Variants in TTN observed in about 807,000 individuals in gnomAD.
TTN encodes the protein titin.
TTN carries 1,525 observed loss-of-function variants against 3,223.0 expected under a neutral mutation model. The observed-to-expected ratio is 0.47, with a 90% CI of 0.45 to 0.49. TTN has a LOEUF of 0.49. Among genes scored for constraint, TTN ranks in the 20% least tolerant of loss-of-function variants. The pLI, the probability that TTN is intolerant of heterozygous loss-of-function variation, is 0.00. For missense variants in TTN, 40,786 were observed against 43,424.0 expected, an observed-to-expected ratio of 0.94 and a Z score of 5.40; for synonymous variants, 14,094 against 15,161.0, an observed-to-expected ratio of 0.93 and a Z score of 5.17.
intron 240 of TTN, among the ~76,000 whole-genome samples, chr2:178,626,807 G>T (rs1322243806): frequency 2.6e-5 from 4 of 151,748 alleles, no homozygotes; most frequent in African/African-American, 9.7e-5. Flanking sequence ...ATTTGAAAAG[G>T]TGTCTCAGTT....
At chr2:178,595,045 T>G (rs1172768121) in intron 295 of TTN, among the ~76,000 whole-genome samples, 9 of 152,022 alleles carry the variant, frequency 5.9e-5, no homozygotes, top group Admixed American at 5.9e-4. Context: ...CCGAGGCAGG[T>G]GGATCACTTG....
Position 178,677,335 on chromosome 2 carries a change from C to CATATACAT in TTN, c.34292-49_34292-48insATGTATAT, listed in dbSNP as rs71393434. 17 of 251,884 alleles carry CATATACAT rather than the reference C, an allele frequency of 6.7e-5. No homozygotes were observed. In the South Asian group the frequency reaches 2.6e-3, roughly 39 times the overall value. The allele number at this position is 251,884 out of a possible 1,614,324, so 15.6% of individuals were successfully genotyped here. A position where few individuals can be genotyped will look rare whatever the true frequency, so the allele number is the denominator to read the frequency against. On this transcript the variant is annotated intron_variant, in intron 146 of 362. Transcript: ENST00000589042. ...GCATTAAAAACCACATATACATGGTCATATATATATATATATATATATATA... is the reference window on the plus strand; with the variant it reads ...GCATTAAAAACCACATATACATGGTCATATACATATATATATATATATATATATATATA...
rs750307729 is a variant in TTN at position 178,554,818 on chromosome 2, A to T, written c.88594+47T>A. ...AAAGCCTACTTGTTCAAAATTACTA[A>T]GCTTTAGGCAAATGTAATATGACAG... On this transcript the variant is annotated intron_variant, in intron 331 of 362. Transcript: ENST00000589042. 2.0e-5 allele frequency: 32 copies of T among 1,611,718 alleles called. No homozygotes were observed. In the East Asian group the frequency reaches 6.5e-4, roughly 33 times the overall value.
In TTN at chr2:178,770,402, A is replaced by G; in HGVS notation, c.8380+10T>C. 1 of 1,614,108 alleles carries G rather than the reference A, an allele frequency of 6.2e-7. No homozygotes were observed. Among genetic ancestry groups the G allele is most frequent in the South Asian group, 1.1e-5 (1 of 91,082 alleles). ...CTGACTGCTTGAAAAGTGTTTCTAA[A>G]TCAACTTACTCTCCACGTGCAGTCT... On this transcript the variant is annotated intron_variant, in intron 35 of 362. Transcript: ENST00000589042.
intron 127 of TTN, among the ~76,000 whole-genome samples, chr2:178,687,870 T>C (rs1294544662): frequency 6.6e-6 from 1 of 152,162 alleles, no homozygotes; most frequent in Non-Finnish European, 1.5e-5. Context: ...ATATGAAGCC[T>C]CTTTTATTCT....
At position 178,777,978 on chromosome 2, in the gene TTN, G is replaced by A; in HGVS notation, c.4209-3C>T. 1 of 1,613,126 alleles carries A rather than the reference G, an allele frequency of 6.2e-7. No individual in the cohort carries two copies. Among genetic ancestry groups the A allele is most frequent in the South Asian group, 1.1e-5 (1 of 91,012 alleles). The stretch of plus-strand genomic sequence containing the variant: ...TCACTGAACGTGGAGAGAGAGATCT[G>A]CAAAACAAAGACACACAATACTTTC... On this transcript the variant is annotated splice_polypyrimidine_tract_variant and splice_region_variant and intron_variant, in intron 24 of 362. Coordinates refer to ENST00000589042, the MANE Select transcript of TTN (RefSeq NM_001267550.2).
chr2:178,744,273 C>A (rs1008480576), intron 47 of TTN: 1 of 680,284 alleles, frequency 1.5e-6, no homozygotes, highest in African/African-American at 2.0e-5. Context: ...AATATTATTT[C>A]TCTCGTCCTT....
intron 10 of TTN, among the ~76,000 whole-genome samples, chr2:178,791,663 ATGTGTGTG>A (rs58282760): frequency 2.7e-5 from 4 of 147,388 alleles, no homozygotes; most frequent in South Asian, 2.2e-4. Context: ...GTATGTGTAT[ATGTGTGTG>A]TGTGTGTGTG....
chr2:178,768,263 A>G, intron 38 of TTN, 108 bp from the exon 39 acceptor site: 2 of 1,315,708 alleles, frequency 1.5e-6, no homozygotes, highest in Non-Finnish European at 2.1e-6. Flanking sequence ...ATGAATTTCC[A>G]TGTATTCATC....
chr2:178,766,454 G>C lies in TTN; in HGVS notation c.9630C>G (p.Thr3210=). The change falls in exon 41 of 363, where the codon ACC becomes ACG. Residue 3210 remains threonine, a synonymous_variant. Coordinates refer to ENST00000589042, the MANE Select transcript of TTN (RefSeq NM_001267550.2). ...RRIHRMFISE[T]RQSDAGEYTF... ...TGTATTCTCCTGCATCGCTCTGTCT[G>C]GTCTCAGAGATAAACATTCGGTGGA... The C allele has an allele frequency of 6.2e-7, 1 of 1,614,078 alleles. No individual in the cohort carries two copies. The highest frequency in any genetic ancestry group is 8.5e-7 in the Non-Finnish European group (1 of 1,179,980).
At chr2:178,793,585 AC>A (rs757196807) in intron 8 of TTN, 44 bp from the exon 9 acceptor site, 9 of 1,609,924 alleles carry the variant, frequency 5.6e-6, no homozygotes, top group African/African-American at 1.3e-5. Context: ...AATGCATCTT[AC>A]ATAAAAATTA....
chr2:178,614,917 C>T lies in TTN; in HGVS notation c.48690G>A (p.Lys16230=). The T allele has an allele frequency of 5.7e-6, 9 of 1,591,512 alleles. No homozygotes were observed. Among genetic ancestry groups the T allele is most frequent in the Non-Finnish European group, 7.7e-6 (9 of 1,167,738 alleles). ...EEGKWYAYRV[K]ALNRQGASKP... is the part of the protein sequence containing the mutation. ...TGCTAGCACCCTGCCTGTTTAAGGC[C>T]TTCACGCGGTAGGCATACCATTTGC... The change falls in exon 260 of 363, where the codon AAG becomes AAA. Residue 16230 remains lysine, a synonymous_variant. Transcript: ENST00000589042.
intron 113 of TTN, 126 bp from the exon 114 acceptor site, chr2:178,696,395 T>G (rs2073725983): frequency 1.1e-6 from 1 of 900,040 alleles, no homozygotes; most frequent in Admixed American, 3.4e-5. Context: ...TTGTTTTTTT[T>G]TTTTGTATTG....
Position 178,533,976 on chromosome 2 carries a change from A to G in TTN, c.102639T>C (p.Asn34213=). The part of the protein sequence containing the change: ...DDGTYRCKVV[N]DYGEDSSYAE... ...CATAAGAACTGTCTTCACCATAGTC[A>G]TTGACTACTTTGCATCTGTAGGTAC... Residue 34213 remains asparagine (N), a synonymous_variant, in exon 358 of 363, where the codon AAT becomes AAC. Transcript: ENST00000589042. 1.2e-6 allele frequency: 2 copies of G among 1,613,928 alleles called. No homozygotes were observed. The highest frequency in any genetic ancestry group is 1.7e-6 in the Non-Finnish European group (2 of 1,179,852).
Position 178,646,559 on chromosome 2 carries a change from T to G in TTN, c.40223A>C (p.Glu13408Ala). ...TTTAATATACTTTTCAATTTCACGT[T>G]CTTTAAAGAATGTTGACAAAGGAGA... ...IGRKETPPVE[E>A]REIEKYIKPE... The change falls in exon 216 of 363, where the codon GAA (glutamate) becomes GCA (alanine). Residue 13408 changes from glutamate (E) to alanine (A), a missense_variant and splice_region_variant. Glu to Ala is a moderately radical substitution (Grantham distance 107, BLOSUM62 -1). Coordinates refer to ENST00000589042, the MANE Select transcript of TTN (RefSeq NM_001267550.2). 6.5e-7 allele frequency: 1 copy of G among 1,540,880 alleles called. No homozygotes were observed. The highest frequency in any genetic ancestry group is 8.8e-7 in the Non-Finnish European group (1 of 1,139,548).
Position 178,566,399 on chromosome 2 carries a change from G to C in TTN, c.79733C>G (p.Pro26578Arg), listed in dbSNP as rs1286290994. ...KVGLGEATSVPGTVKPEDKLE... is the reference protein window; with the variant it reads ...KVGLGEATSVRGTVKPEDKLE... Reference sequence around the variant, plus strand: ...TTTATCTTCTGGTTTCACAGTACCAGGAACTGATGTAGCCTCACCTAAACC... The same window carrying C: ...TTTATCTTCTGGTTTCACAGTACCACGAACTGATGTAGCCTCACCTAAACC... Residue 26578 changes from proline to arginine, a missense_variant, in exon 326 of 363, where the codon CCT becomes CGT. Physicochemically the swap from Pro to Arg is moderately radical, Grantham distance 103 (BLOSUM62 -2). Coordinates refer to ENST00000589042, the MANE Select transcript of TTN (RefSeq NM_001267550.2). The C allele has an allele frequency of 1.2e-6, 2 of 1,613,460 alleles. No homozygotes were observed. The highest frequency in any genetic ancestry group is 2.2e-5 in the East Asian group (1 of 44,842).
chr2:178,573,518 AC>A lies in TTN; in HGVS notation c.72613del (p.Val24205TrpfsTer13), dbSNP rs1708996209. 6.7e-7 allele frequency: 1 copy of A among 1,490,684 alleles called. No individual in the cohort carries two copies. The highest frequency in any genetic ancestry group is 8.9e-7 in the Non-Finnish European group (1 of 1,122,796). The allele number at this position is 1,490,684 out of a possible 1,614,324, so 92.3% of individuals were successfully genotyped here. A position where few individuals can be genotyped will look rare whatever the true frequency, so the allele number is the denominator to read the frequency against. On this transcript the variant is annotated frameshift_variant, in exon 326 of 363. Transcript: ENST00000589042. LOFTEE classifies it high-confidence loss of function. ...FRVMAVNKYG[V>X]GEPLESEPVL... is the part of the protein sequence containing the mutation. The stretch of plus-strand genomic sequence containing the variant: ...AGGCTCTGATTCCAGTGGCTCTCCC[AC>A]TCCATATTTATTTACAGCCATGACA...
chr2:178,586,019 T>G (rs1255085102), intron 308 of TTN, among the ~76,000 whole-genome samples: 1 of 152,138 alleles, frequency 6.6e-6, no homozygotes, highest in East Asian at 1.9e-4. Flanking sequence ...ATCGCCACAC[T>G]GTCTTCCATA....
intron 309 of TTN, 37 bp from the exon 310 acceptor site, chr2:178,585,005 G>C: frequency 6.2e-7 from 1 of 1,606,312 alleles, no homozygotes. Context: ...TAAGAACAAG[G>C]ATTTGATACG....
Sources: allele counts gnomAD v4.1 joint callset (sites outside exome capture counted in the v4.1 genomes callset), GRCh38; gene constraint gnomAD v4.1.1; transcripts MANE v1.5; gene names NCBI Gene and HGNC (gene_info 2026-07-23, HGNC 2026-07-21).